Variants in GPD2 observed in about 807,000 individuals in gnomAD.
GPD2 encodes glycerol-3-phosphate dehydrogenase, mitochondrial.
In GPD2, 54 loss-of-function variants were observed where a neutral mutation model predicts 82.4. The ratio of observed to expected loss-of-function variants is 0.66; its 90% CI spans 0.53 to 0.82. GPD2 has a LOEUF of 0.82. Among genes scored for constraint, GPD2 ranks in the 40% least tolerant of loss-of-function variants. The probability of loss-of-function intolerance (pLI) is 0.00; values close to 1 mark genes in which losing one functional copy is unlikely to be tolerated. For synonymous variants in GPD2, 288 were observed against 306.1 expected, an observed-to-expected ratio of 0.94 and a Z score of 0.62; for missense variants, 748 against 896.2, an observed-to-expected ratio of 0.83 and a Z score of 2.11.
chr2:156,435,363 C>G (rs1337886922), upstream of GPD2: 1 of 152,100 alleles, frequency 6.6e-6, no homozygotes, highest in Non-Finnish European at 1.5e-5. Flanking sequence ...CCAACTTTGC[C>G]TTCCTTAGGT....
intron 1 of GPD2, among the ~76,000 whole-genome samples, chr2:156,445,557 A>G (rs999852196): frequency 7.2e-5 from 11 of 152,236 alleles, no homozygotes; most frequent in African/African-American, 2.4e-4. Context: ...GTAGGAATCC[A>G]CGAAGTTGTT....
At chr2:156,432,778 T>C (rs1265637454), upstream of GPD2, among the ~76,000 whole-genome samples, 1 of 152,186 alleles carries the variant, frequency 6.6e-6, no homozygotes, top group Non-Finnish European at 1.5e-5. Context: ...GTGTGAAGAG[T>C]GGGAGAGTGG....
At chr2:156,578,227 G>A (rs886897885) in intron 13 of GPD2, among the ~76,000 whole-genome samples, 1 of 152,132 alleles carries the variant, frequency 6.6e-6, no homozygotes, top group Non-Finnish European at 1.5e-5. Flanking sequence ...TTCTTCTCAT[G>A]ACTCTGTAAC....
Position 156,447,233 on chromosome 2 carries a change from C to T in GPD2, c.-9+10720C>T, listed in dbSNP as rs149436064. ...TGCTCTCTTTCTCCTTTCCTTCAAGCTGTTCTTCCTTAAAGTACTTTTTGT... is the reference window on the plus strand; with the variant it reads ...TGCTCTCTTTCTCCTTTCCTTCAAGTTGTTCTTCCTTAAAGTACTTTTTGT... On this transcript the variant is annotated intron_variant, in intron 1 of 16. Transcript: ENST00000438166. Among the ~76,000 whole-genome samples the T allele has an allele frequency of 2.8e-3, 426 of 152,330 alleles. 2 individuals carry two copies. The highest frequency in any genetic ancestry group is 9.8e-3 in the African/African-American group (406 of 41,584).
chr2:156,416,902 CAGCAGAGTCAGGT>C, the GPD2 span, among the ~76,000 whole-genome samples: 1 of 152,108 alleles, frequency 6.6e-6, no homozygotes, highest in Admixed American at 6.5e-5. Context: ...GTGAAGGTTT[CAGCAGAGTCAGGT>C]AGCAGCTAAC....
At chr2:156,495,721 A>C (rs931098442) in intron 2 of GPD2, 4 of 393,696 alleles carry the variant, frequency 1.0e-5, no homozygotes, top group Middle Eastern at 3.6e-4. Flanking sequence ...TTCCCTTATA[A>C]ATTGCCTTAG....
the GPD2 span, among the ~76,000 whole-genome samples, chr2:156,419,049 C>CTTT: frequency 3.9e-4 from 30 of 77,216 alleles, no homozygotes; most frequent in African/African-American, 6.9e-4. Context: ...TTCTTTCCTT[C>CTTT]TTTTTTTTTT....
At position 156,549,712 on chromosome 2, in the gene GPD2, A is replaced by AC; in HGVS notation, c.767dup (p.Asp257ArgfsTer24). ...GGAGGTAGTGAGCTTGCTCAAGAAG[A>AC]CAGACCCCCAGACAGGGAAAGTGCG... On this transcript the variant is annotated frameshift_variant, in exon 7 of 17. Coordinates refer to ENST00000438166, the MANE Select transcript of GPD2 (RefSeq NM_000408.5). LOFTEE classifies it high-confidence loss of function. 6.2e-7 allele frequency: 1 copy of AC among 1,614,070 alleles called. No homozygotes were observed. Among genetic ancestry groups the AC allele is most frequent in the South Asian group, 1.1e-5 (1 of 91,082 alleles).
chr2:156,469,934 C>T (rs942066328), intron 1 of GPD2, among the ~76,000 whole-genome samples: 12 of 152,100 alleles, frequency 7.9e-5, no homozygotes, highest in Admixed American at 3.3e-4. Flanking sequence ...AGAGAGGGTT[C>T]TTGGATCTCA....
intron 2 of GPD2, among the ~76,000 whole-genome samples, chr2:156,488,395 C>G (rs1264738491): frequency 6.6e-6 from 1 of 152,140 alleles, no homozygotes; most frequent in Non-Finnish European, 1.5e-5. Flanking sequence ...TTAAATCTTA[C>G]GATTCCATCG....
At chr2:156,549,578 C>T in intron 6 of GPD2, 30 bp from the exon 7 acceptor site, 1 of 1,608,784 alleles carries the variant, frequency 6.2e-7, no homozygotes, top group Non-Finnish European at 8.5e-7. Flanking sequence ...GGTGACTCCT[C>T]TCCCTCCCCT....
the GPD2 span, among the ~76,000 whole-genome samples, chr2:156,416,088 C>G: frequency 6.6e-6 from 1 of 151,418 alleles, no homozygotes; most frequent in Non-Finnish European, 1.5e-5. Flanking sequence ...ATCCAGGTCT[C>G]TGCAAATACA....
chr2:156,532,153 A>G (rs1685887994), intron 6 of GPD2, among the ~76,000 whole-genome samples: 1 of 152,108 alleles, frequency 6.6e-6, no homozygotes, highest in Admixed American at 6.5e-5. Context: ...GTGCACCAAC[A>G]CATCTGGCTA....
the GPD2 span, among the ~76,000 whole-genome samples, chr2:156,422,120 A>G: frequency 2.0e-5 from 3 of 152,130 alleles, no homozygotes; most frequent in African/African-American, 7.2e-5. Context: ...GAGTGAGAAA[A>G]GTATTTAAAA....
chr2:156,518,480 T>G (rs548570286), intron 6 of GPD2, among the ~76,000 whole-genome samples: 1 of 152,326 alleles, frequency 6.6e-6, no homozygotes, highest in South Asian at 2.1e-4. Context: ...GAACGATGCC[T>G]CTGGCAAAAG....
chr2:156,411,653 A>T, the GPD2 span, among the ~76,000 whole-genome samples: 1 of 152,196 alleles, frequency 6.6e-6, no homozygotes, highest in African/African-American at 2.4e-5. Flanking sequence ...CAAAACAGCA[A>T]TGAGAATTTC....
chr2:156,579,026 T>C, intron 14 of GPD2, 25 bp downstream of exon 14: 1 of 1,552,928 alleles, frequency 6.4e-7, no homozygotes, highest in Non-Finnish European at 8.9e-7. Flanking sequence ...TGTCTATCTA[T>C]CTCTCTTTTT....
intron 16 of GPD2, among the ~76,000 whole-genome samples, chr2:156,581,085 G>C (rs1688008442): frequency 6.6e-6 from 1 of 152,030 alleles, no homozygotes. Flanking sequence ...ATGTGGTTTA[G>C]GTTTTAAGTA....
At chr2:156,535,326 G>GAGAGAGAGAGAGAAGAGAGAGAA (rs1197599778) in intron 6 of GPD2, among the ~76,000 whole-genome samples, 10 of 89,492 alleles carry the variant, frequency 1.1e-4, no homozygotes, top group African/African-American at 3.0e-4. Context: ...ACCTGGGAAA[G>GAGAGAGAGAGAGAAGAGAGAGAA]AGAGAGAGAG....
Sources: gnomAD v4.1 joint callset for allele counts (sites outside exome capture counted in the v4.1 genomes callset) on GRCh38, gnomAD v4.1.1 for gene constraint, MANE v1.5 for transcripts, NCBI Gene and HGNC (gene_info 2026-07-23, HGNC 2026-07-21) for gene names.